Variants in CNTNAP2 observed in about 807,000 individuals in gnomAD.
The protein encoded by CNTNAP2 is contactin-associated protein-like 2.
A neutral mutation model predicts 155.2 loss-of-function variants in CNTNAP2; 98 were observed. The observed-to-expected ratio is 0.63, with a 90% CI of 0.54 to 0.75. The LOEUF (loss-of-function observed/expected upper bound fraction) is 0.75. Ranked by LOEUF, CNTNAP2 falls within the 30% of genes least tolerant of loss-of-function variation. CNTNAP2 has a pLI of 0.00. For synonymous variants in CNTNAP2, 651 were observed against 631.2 expected, an observed-to-expected ratio of 1.03 and a Z score of -0.47; for missense variants, 1,727 against 1,688.1, an observed-to-expected ratio of 1.02 and a Z score of -0.40.
At chr7:148,288,089 C>CT (rs1395175521) in intron 21 of CNTNAP2, among the ~76,000 whole-genome samples, 259 of 137,952 alleles carry the variant, frequency 1.9e-3, no homozygotes, top group Non-Finnish European at 3.2e-3. Flanking sequence ...CGCGCCCAAC[C>CT]TTTTTTTTTT....
chr7:147,802,509 T>A (rs1318130034), intron 13 of CNTNAP2, among the ~76,000 whole-genome samples: 2 of 152,148 alleles, frequency 1.3e-5, no homozygotes, highest in African/African-American at 4.8e-5. Context: ...TGAACCAGAC[T>A]CCGTCTGCAA....
At chr7:148,366,395 T>A (rs973561869) in intron 21 of CNTNAP2, among the ~76,000 whole-genome samples, 1 of 152,028 alleles carries the variant, frequency 6.6e-6, no homozygotes, top group African/African-American at 2.4e-5. Context: ...AGGTAGAAAC[T>A]CTTTTTCACT....
At chr7:146,927,208 A>C (rs2129221591) in intron 3 of CNTNAP2, among the ~76,000 whole-genome samples, 1 of 152,312 alleles carries the variant, frequency 6.6e-6, no homozygotes, top group East Asian at 1.9e-4. Context: ...TTTAAGTTCC[A>C]AGAACTGATG....
chr7:146,534,599 C>A (rs1275400883), intron 1 of CNTNAP2, among the ~76,000 whole-genome samples: 1 of 151,986 alleles, frequency 6.6e-6, no homozygotes. Context: ...ATAAGAACAA[C>A]AGGTTTCTAA....
At chr7:146,161,595 AT>A (rs1321371136) in intron 1 of CNTNAP2, among the ~76,000 whole-genome samples, 4 of 152,218 alleles carry the variant, frequency 2.6e-5, no homozygotes, top group African/African-American at 9.6e-5. Context: ...ACCCAAGGTA[AT>A]TTATAGATTC....
At chr7:147,941,944 T>C (rs1314601905) in intron 14 of CNTNAP2, among the ~76,000 whole-genome samples, 1 of 152,248 alleles carries the variant, frequency 6.6e-6, no homozygotes, top group Non-Finnish European at 1.5e-5. Flanking sequence ...TTTGATCATG[T>C]GGCCATGTCT....
At chr7:146,781,182 C>G (rs557219294) in intron 2 of CNTNAP2, among the ~76,000 whole-genome samples, 48 of 149,824 alleles carry the variant, frequency 3.2e-4, no homozygotes, top group African/African-American at 1.2e-3. Flanking sequence ...GAGCCCAGAT[C>G]GCGCCACTAC....
At chr7:147,630,109 A>G (rs1225875083) in intron 12 of CNTNAP2, among the ~76,000 whole-genome samples, 1 of 152,022 alleles carries the variant, frequency 6.6e-6, no homozygotes, top group Non-Finnish European at 1.5e-5. Context: ...GAAGATCCAA[A>G]TGTCAATTAG....
At chr7:146,445,211 C>T (rs959786754) in intron 1 of CNTNAP2, among the ~76,000 whole-genome samples, 3 of 152,150 alleles carry the variant, frequency 2.0e-5, no homozygotes, top group Non-Finnish European at 2.9e-5. Context: ...GTAATAAATA[C>T]TGCAGTAAAT....
At chr7:147,040,888 C>G (rs1799248137) in intron 3 of CNTNAP2, among the ~76,000 whole-genome samples, 1 of 152,172 alleles carries the variant, frequency 6.6e-6, no homozygotes, top group Non-Finnish European at 1.5e-5. Context: ...TTTTCTGTCA[C>G]CAATGCCTGC....
intron 13 of CNTNAP2, among the ~76,000 whole-genome samples, chr7:147,892,221 G>A (rs889833875): frequency 1.3e-5 from 2 of 152,104 alleles, no homozygotes; most frequent in Non-Finnish European, 2.9e-5. Context: ...TTTAAAATCA[G>A]GAAGCACGTA....
Position 147,684,360 on chromosome 7 carries a change from C to A in CNTNAP2, c.2098+45054C>A, listed in dbSNP as rs188890321. On this transcript the variant is annotated intron_variant, in intron 13 of 23. Transcript: ENST00000361727. ...ACACACTGAAGAAAATAATTTCTAC[C>A]CCCAAAATTATTAAAGCCCCTACAA... is the stretch of plus-strand genomic sequence containing the variant. 5.7e-3 allele frequency among the ~76,000 whole-genome samples: 860 copies of A among 151,712 alleles called. 4 individuals carry two copies. The highest frequency in any genetic ancestry group is 0.011 in the South Asian group (55 of 4,818).
chr7:146,482,635 C>T (rs369756215), intron 1 of CNTNAP2, among the ~76,000 whole-genome samples: 3 of 151,548 alleles, frequency 2.0e-5, no homozygotes, highest in African/African-American at 4.9e-5. Flanking sequence ...CCCAGCTACT[C>T]GGGAGGTTGA....
intron 3 of CNTNAP2, among the ~76,000 whole-genome samples, chr7:146,953,546 G>T (rs900466548): frequency 1.3e-5 from 2 of 151,818 alleles, no homozygotes; most frequent in Non-Finnish European, 1.5e-5. Context: ...GGTTTGTAAC[G>T]AATTCCAATT....
At chr7:147,818,865 A>G (rs1798317585) in intron 13 of CNTNAP2, among the ~76,000 whole-genome samples, 1 of 152,228 alleles carries the variant, frequency 6.6e-6, no homozygotes, top group African/African-American at 2.4e-5. Context: ...TTATTGTTAT[A>G]GTTCTTACTT....
intron 1 of CNTNAP2, among the ~76,000 whole-genome samples, chr7:146,543,021 T>C (rs962002083): frequency 7.2e-5 from 11 of 151,990 alleles, no homozygotes; most frequent in African/African-American, 2.4e-4. Context: ...TAGTTAATAA[T>C]AATGTAGTAT....
chr7:148,307,800 A>C (rs768729369), intron 21 of CNTNAP2, among the ~76,000 whole-genome samples: 77 of 152,002 alleles, frequency 5.1e-4, no homozygotes, highest in Non-Finnish European at 1.0e-3. Context: ...AAACCCACCC[A>C]TCTCTACAAA....
chr7:147,933,681 A>C (rs1331118279), intron 14 of CNTNAP2, among the ~76,000 whole-genome samples: 1 of 152,172 alleles, frequency 6.6e-6, no homozygotes, highest in African/African-American at 2.4e-5. Context: ...CCTGACCAAC[A>C]TGGTAAAACC....
chr7:147,179,107 T>C (rs1802406843), intron 8 of CNTNAP2, among the ~76,000 whole-genome samples: 1 of 152,184 alleles, frequency 6.6e-6, no homozygotes, highest in Non-Finnish European at 1.5e-5. Flanking sequence ...GCATACTCTG[T>C]TAAGTGCCGT....
Sources: allele counts gnomAD v4.1 joint callset (sites outside exome capture counted in the v4.1 genomes callset), GRCh38; gene constraint gnomAD v4.1.1; transcripts MANE v1.5; gene names NCBI Gene and HGNC (gene_info 2026-07-23, HGNC 2026-07-21).